Variants in RNASET2 observed in about 807,000 individuals in gnomAD.
The protein encoded by RNASET2 is ribonuclease T2.
RNASET2 carries 28 observed loss-of-function variants against 33.9 expected under a neutral mutation model. The ratio of observed to expected loss-of-function variants is 0.83; its 90% CI spans 0.61 to 1.13. The LOEUF is 1.13. RNASET2 is among the 50% of genes most tolerant of loss of function. The pLI is 0.00. For missense variants in RNASET2, 330 were observed against 319.9 expected (o/e 1.03, Z -0.24); for synonymous variants, 123 against 121.0 (o/e 1.02, Z -0.11).
At chr6:166,934,008 G>T in intron 7 of RNASET2, 83 bp downstream of exon 7, 1 of 944,166 alleles carries the variant, frequency 1.1e-6, no homozygotes, top group Non-Finnish European at 1.8e-6. Flanking sequence ...GCAATTTACA[G>T]CCCATTGACT....
rs1326095554 is a variant in RNASET2 at position 166,943,035 on chromosome 6, T to G, written c.316A>C (p.Asn106His). 3.7e-6 allele frequency: 6 copies of G among 1,613,608 alleles called. No individual in the cohort carries two copies. In the African/African-American group the frequency reaches 8.0e-5, roughly 22 times the overall value. Reference sequence around the variant, plus strand: ...GGGACTTACCAGAAGCGGCTGCGATTGGGAAACGAGTGAATTACGTCAGGC... The same window carrying G: ...GGGACTTACCAGAAGCGGCTGCGATGGGGAAACGAGTGAATTACGTCAGGC... ...YWPDVIHSFP[N>H]RSRFWKHEWE... Residue 106 changes from asparagine (N) to histidine (H), a missense_variant, in exon 5 of 9, where the codon AAT (asparagine) becomes CAT (histidine). By Grantham distance (68) the Asn-to-His change is moderately conservative. Transcript: ENST00000508775.
chr6:166,947,117 G>A lies in RNASET2; in HGVS notation c.204-378C>T, dbSNP rs77025052. On this transcript the variant is annotated intron_variant, in intron 3 of 8. Transcript: ENST00000508775. ...CCGAGACCTAAGTAAGCTGACCCCCGGCCAATCTCCGCACCACAGATCCAG... is the reference window on the plus strand; with the variant it reads ...CCGAGACCTAAGTAAGCTGACCCCCAGCCAATCTCCGCACCACAGATCCAG... 4.7e-3 allele frequency among the ~76,000 whole-genome samples: 718 copies of A among 151,952 alleles called. 24 individuals carry two copies. The East Asian group carries it at 0.092, about 20-fold the overall frequency.
At chr6:166,953,134 G>A (rs73041494) in intron 1 of RNASET2, 3,738 of 183,532 alleles carry the variant, frequency 0.02, 69 homozygotes, top group East Asian at 0.084. Context: ...CTTGAACACG[G>A]TATGTGCACT....
rs559675992 is a variant in RNASET2 at position 166,950,926 on chromosome 6, C to T, written c.147+1562G>A. Among the ~76,000 whole-genome samples, 19 of 152,194 alleles carry T rather than the reference C, an allele frequency of 1.2e-4. No individual in the cohort carries two copies. The East Asian group carries it at 1.9e-3, about 15-fold the overall frequency. ...GTGGGTTTTTCTCCTCGTGTGGAGACGAGAGATTGTAGAAATAAAGACACA... is the reference window on the plus strand; with the variant it reads ...GTGGGTTTTTCTCCTCGTGTGGAGATGAGAGATTGTAGAAATAAAGACACA... On this transcript the variant is annotated intron_variant, in intron 2 of 8. Coordinates refer to ENST00000508775, the MANE Select transcript of RNASET2 (RefSeq NM_003730.6).
In RNASET2 at chr6:166,955,281, G is replaced by A. The variant is rs367809578; in HGVS notation, c.86+816C>T. Among the ~76,000 whole-genome samples the A allele has an allele frequency of 1.3e-3, 94 of 70,836 alleles. 6 individuals are homozygous for A. In the East Asian group the frequency reaches 0.045, roughly 34 times the overall value. The allele number at this position is 70,836 out of a possible 152,430, so 46.5% of individuals were successfully genotyped here. On this transcript the variant is annotated intron_variant, in intron 1 of 8. Transcript: ENST00000508775. ...CGCACACACACACACGCGCACACAC[G>A]ACACACACGCACAGACGCGCACACA...
At chr6:166,955,298 GCGCACA>G (rs1779111447) in intron 1 of RNASET2, among the ~76,000 whole-genome samples, 3 of 31,948 alleles carry the variant, frequency 9.4e-5, no homozygotes, top group East Asian at 1.5e-3. Context: ...ACGCACAGAC[GCGCACA>G]CACGACACAC....
At chr6:166,950,403 C>T (rs959858097) in intron 2 of RNASET2, among the ~76,000 whole-genome samples, 2 of 152,196 alleles carry the variant, frequency 1.3e-5, no homozygotes, top group South Asian at 2.1e-4. Flanking sequence ...GGGGCAATCT[C>T]GTGTACAGAA....
In RNASET2 at chr6:166,934,120, C is replaced by G; in HGVS notation, c.463G>C (p.Gly155Arg). Residue 155 changes from glycine (G) to arginine (R), a missense_variant, in exon 7 of 9, where the codon GGG (glycine) becomes CGG (arginine). Coordinates refer to ENST00000508775, the MANE Select transcript of RNASET2 (RefSeq NM_003730.6). ...LDLNSVLLKL[G>R]IKPSINYYQV... ...TAGTAATTGATGGATGGTTTTATCC[C>G]CAATTTTAGAAGCACACTAAAATTT... is the stretch of plus-strand genomic sequence containing the variant. 1.2e-6 allele frequency: 2 copies of G among 1,606,640 alleles called. No individual in the cohort carries two copies. The highest frequency in any genetic ancestry group is 2.2e-5 in the South Asian group (2 of 90,894).
intron 6 of RNASET2, among the ~76,000 whole-genome samples, chr6:166,936,679 C>G (rs920868299): frequency 1.3e-5 from 2 of 152,198 alleles, no homozygotes; most frequent in Non-Finnish European, 2.9e-5. Flanking sequence ...CATTAACCTA[C>G]TCATGAGGGA....
At chr6:166,938,026 T>C (rs972617777) in intron 6 of RNASET2, among the ~76,000 whole-genome samples, 3 of 152,228 alleles carry the variant, frequency 2.0e-5, no homozygotes, top group Admixed American at 6.5e-5. Flanking sequence ...TTTATTCATC[T>C]TTTAAGCAGT....
rs1778278573 is a variant in RNASET2 at position 166,924,742 on chromosome 6, C to T, written c.*4846G>A. 6.6e-6 allele frequency among the ~76,000 whole-genome samples: 1 copy of T among 152,104 alleles called. No individual in the cohort carries two copies. The highest frequency in any genetic ancestry group is 6.5e-5 in the Admixed American group (1 of 15,268). On this transcript the variant is annotated 3_prime_UTR_variant, in exon 9 of 9. Coordinates refer to ENST00000508775, the MANE Select transcript of RNASET2 (RefSeq NM_003730.6). ...CTGAGGCAGGTGGATCACCCGAGGT[C>T]GGGAGTTTGAGACCAGCGTGACCAA...
At position 166,956,281 on chromosome 6, in the gene RNASET2, G is replaced by T; in HGVS notation, c.-99C>A. 8.5e-6 allele frequency: 10 copies of T among 1,182,294 alleles called. No individual in the cohort carries two copies. Among genetic ancestry groups the T allele is most frequent in the Non-Finnish European group, 1.2e-5 (10 of 815,196 alleles). The allele number at this position is 1,182,294 out of a possible 1,614,324, so 73.2% of individuals were successfully genotyped here. ...CTTCCGGGAGAAACGCTGTCTCCGA[G>T]CCCCCGCGCCGCCGCGCTCCCTCCG... On this transcript the variant is annotated 5_prime_UTR_variant, in exon 1 of 9. Transcript: ENST00000508775.
intron 5 of RNASET2, among the ~76,000 whole-genome samples, chr6:166,941,595 A>C (rs553728916): frequency 5.1e-4 from 77 of 152,312 alleles, no homozygotes; most frequent in Non-Finnish European, 6.0e-4. Flanking sequence ...GATTCAACGC[A>C]CAGACTGAGG....
chr6:166,936,705 C>T (rs1470084322), intron 6 of RNASET2, among the ~76,000 whole-genome samples: 1 of 152,216 alleles, frequency 6.6e-6, no homozygotes, highest in Non-Finnish European at 1.5e-5. Context: ...CCCCGCAGCT[C>T]AAACACCTCC....
chr6:166,953,579 A>G (rs898964523), intron 1 of RNASET2: 5 of 152,212 alleles, frequency 3.3e-5, no homozygotes, highest in Non-Finnish European at 7.3e-5. Flanking sequence ...TAATTATGCA[A>G]GCTCTCAGTA....
At chr6:166,936,576 G>A (rs1469894293) in intron 6 of RNASET2, among the ~76,000 whole-genome samples, 2 of 152,228 alleles carry the variant, frequency 1.3e-5, no homozygotes, top group African/African-American at 4.8e-5. Flanking sequence ...CATGGCCAGA[G>A]AGGAAGCCAG....
chr6:166,948,722 T>C, intron 2 of RNASET2, 97 bp from the exon 3 acceptor site: 4 of 783,586 alleles, frequency 5.1e-6, no homozygotes, highest in South Asian at 2.7e-5. Context: ...AGTTGCAACA[T>C]ATGCCAACGA....
chr6:166,955,282 A>ACACACACGCACAGACGCG (rs1779107159), intron 1 of RNASET2, among the ~76,000 whole-genome samples: 1 of 77,892 alleles, frequency 1.3e-5, no homozygotes, highest in Non-Finnish European at 2.4e-5. Flanking sequence ...CGCACACACG[A>ACACACACGCACAGACGCG]CACACACGCA....
chr6:166,940,740 A>AC (rs1407794079), intron 5 of RNASET2, among the ~76,000 whole-genome samples: 4 of 151,420 alleles, frequency 2.6e-5, no homozygotes, highest in African/African-American at 9.7e-5. Flanking sequence ...TTTGGACTGG[A>AC]CCTTTTTTTT....
Sources: gnomAD v4.1 joint callset for allele counts (sites outside exome capture counted in the v4.1 genomes callset) on GRCh38, gnomAD v4.1.1 for gene constraint, MANE v1.5 for transcripts, NCBI Gene and HGNC (gene_info 2026-07-23, HGNC 2026-07-21) for gene names.